ZBTB20: variants seen among roughly 807,000 people sequenced by gnomAD.
ZBTB20 encodes the protein zinc finger and BTB domain containing 20.
Under a neutral mutation model 56.9 loss-of-function variants are expected in ZBTB20, and 9 were observed. The ratio of observed to expected loss-of-function variants is 0.16; its 90% confidence interval spans 0.10 to 0.28. The LOEUF (loss-of-function observed/expected upper bound fraction) is 0.28. Among genes scored for constraint, ZBTB20 ranks in the 10% least tolerant of loss-of-function variants. The pLI is 1.00. For synonymous variants in ZBTB20, 417 were observed against 420.7 expected (o/e 0.99, Z 0.11); for missense variants, 655 against 1,003.0 (o/e 0.65, Z 4.69).
intron 2 of ZBTB20, among the ~76,000 whole-genome samples, chr3:115,055,876 T>C (rs1431557803): frequency 1.3e-5 from 2 of 152,100 alleles, no homozygotes; most frequent in African/African-American, 4.8e-5. Flanking sequence ...AAACGTATTA[T>C]AAGAAAACAC....
intron 7 of ZBTB20, among the ~76,000 whole-genome samples, chr3:114,491,112 G>T (rs968281439): frequency 3.9e-5 from 6 of 152,346 alleles, no homozygotes; most frequent in East Asian, 3.9e-4. Context: ...GATGCCTGGA[G>T]AATTTAACTA....
At chr3:114,849,231 T>A (rs1265297517) in intron 4 of ZBTB20, among the ~76,000 whole-genome samples, 2 of 152,222 alleles carry the variant, frequency 1.3e-5, no homozygotes, top group Non-Finnish European at 1.5e-5. Context: ...GATAATCTAA[T>A]CATTTCTTTT....
At chr3:114,488,807 C>T (rs1022040034) in intron 7 of ZBTB20, among the ~76,000 whole-genome samples, 1 of 152,134 alleles carries the variant, frequency 6.6e-6, no homozygotes, top group African/African-American at 2.4e-5. Context: ...AAGAAAGTTC[C>T]AAATTCCCAA....
intron 6 of ZBTB20, among the ~76,000 whole-genome samples, chr3:114,612,727 G>A (rs2057651442): frequency 6.6e-6 from 1 of 152,142 alleles, no homozygotes; most frequent in Admixed American, 6.5e-5. Flanking sequence ...GTCAGCACTA[G>A]CCTAGGGATA....
At chr3:114,762,294 C>T (rs78942245) in intron 5 of ZBTB20, among the ~76,000 whole-genome samples, 5,208 of 152,228 alleles carry the variant, frequency 0.034, 141 homozygotes, top group African/African-American at 0.07. Context: ...TAATCATATG[C>T]TCTTTTCAAA....
intron 3 of ZBTB20, among the ~76,000 whole-genome samples, chr3:114,963,864 T>C (rs1047534275): frequency 6.6e-6 from 1 of 152,158 alleles, no homozygotes; most frequent in Non-Finnish European, 1.5e-5. Flanking sequence ...AACAAACACC[T>C]TGGCCTCAAG....
chr3:114,772,626 A>C (rs1229369335), intron 5 of ZBTB20, among the ~76,000 whole-genome samples: 1 of 152,158 alleles, frequency 6.6e-6, no homozygotes, highest in African/African-American at 2.4e-5. Context: ...AAAAAAATCT[A>C]CTAATAGCAT....
chr3:114,652,887 T>G (rs1231300410), intron 6 of ZBTB20, among the ~76,000 whole-genome samples: 2 of 151,962 alleles, frequency 1.3e-5, no homozygotes, highest in Non-Finnish European at 2.9e-5. Flanking sequence ...AACTTTTATT[T>G]AAATGTCTTA....
intron 2 of ZBTB20, among the ~76,000 whole-genome samples, chr3:115,048,106 T>C (rs1378683859): frequency 6.6e-6 from 1 of 151,802 alleles, no homozygotes; most frequent in East Asian, 1.9e-4. Context: ...GCGCCTGTGG[T>C]CCCAGCTACT....
intron 4 of ZBTB20, among the ~76,000 whole-genome samples, chr3:114,839,890 T>C (rs987364749): frequency 2.0e-5 from 3 of 152,168 alleles, no homozygotes; most frequent in African/African-American, 7.2e-5. Context: ...CTTAGAGTCT[T>C]CTGAGAAAGT....
intron 10 of ZBTB20, among the ~76,000 whole-genome samples, chr3:114,376,616 G>A (rs768658582): frequency 2.0e-5 from 3 of 152,184 alleles, no homozygotes; most frequent in Non-Finnish European, 4.4e-5. Flanking sequence ...GCCTCTGTGA[G>A]TGTCCAGCCC....
intron 6 of ZBTB20, among the ~76,000 whole-genome samples, chr3:114,661,904 CTTT>C (rs929789618): frequency 6.7e-6 from 1 of 148,718 alleles, no homozygotes; most frequent in South Asian, 2.1e-4. Flanking sequence ...TTTTGCTTCT[CTTT>C]TTTTTTTTAA....
chr3:114,836,857 TC>T (rs1055026489), intron 4 of ZBTB20, among the ~76,000 whole-genome samples: 1 of 152,178 alleles, frequency 6.6e-6, no homozygotes, highest in Admixed American at 6.5e-5. Flanking sequence ...ATGATATCAT[TC>T]CTTTGGTAAA....
chr3:114,657,322 T>C (rs1241369963), intron 6 of ZBTB20, among the ~76,000 whole-genome samples: 1 of 152,222 alleles, frequency 6.6e-6, no homozygotes, highest in Non-Finnish European at 1.5e-5. Flanking sequence ...ATTTCTAAGG[T>C]TTGATCCTTC....
At chr3:115,068,809 C>T (rs904942795) in intron 2 of ZBTB20, among the ~76,000 whole-genome samples, 2 of 151,768 alleles carry the variant, frequency 1.3e-5, no homozygotes, top group African/African-American at 4.8e-5. Flanking sequence ...TTGCTACCTA[C>T]TTGCTTTATT....
At chr3:114,465,144 T>G (rs187820791) in intron 7 of ZBTB20, among the ~76,000 whole-genome samples, 11 of 152,232 alleles carry the variant, frequency 7.2e-5, no homozygotes, top group African/African-American at 2.6e-4. Context: ...AGATATTTTA[T>G]TTTTTATAAA....
intron 6 of ZBTB20, among the ~76,000 whole-genome samples, chr3:114,684,214 T>G (rs1378494407): frequency 6.6e-6 from 1 of 152,192 alleles, no homozygotes; most frequent in Non-Finnish European, 1.5e-5. Context: ...TATTTTCTTC[T>G]AGGAGTCTAA....
intron 3 of ZBTB20, among the ~76,000 whole-genome samples, chr3:114,952,207 C>A (rs1301990638): frequency 6.6e-6 from 1 of 151,998 alleles, no homozygotes; most frequent in Non-Finnish European, 1.5e-5. Context: ...GTATCAGGAC[C>A]TTTAAGAGGT....
intron 5 of ZBTB20, among the ~76,000 whole-genome samples, chr3:114,700,824 A>C (rs1465534513): frequency 6.6e-6 from 1 of 152,202 alleles, no homozygotes; most frequent in Non-Finnish European, 1.5e-5. Flanking sequence ...ATTGTAATTA[A>C]GATTGGGTCA....
Sources: allele counts gnomAD v4.1 joint callset (sites outside exome capture counted in the v4.1 genomes callset), GRCh38; gene constraint gnomAD v4.1.1; transcripts MANE v1.5; gene names NCBI Gene and HGNC (gene_info 2026-07-23, HGNC 2026-07-21).